The following SEC24D variants were observed in gnomAD, a reference collection of about 807,000 sequenced individuals.
SEC24D encodes the protein SEC24 homolog D, COPII component, also known as protein transport protein Sec24D.
Under a neutral mutation model 116.9 loss-of-function variants are expected in SEC24D, and 69 were observed. That is an observed-to-expected ratio of 0.59 (90% confidence interval 0.49 to 0.72). SEC24D has a LOEUF of 0.72. Ranked by LOEUF, SEC24D falls within the 30% of genes least tolerant of loss-of-function variation. The pLI, the probability that SEC24D is intolerant of heterozygous loss-of-function variation, is 0.00. For missense variants in SEC24D, 1,131 were observed against 1,264.1 expected (o/e 0.89, Z 1.60); for synonymous variants, 405 against 442.8 (o/e 0.91, Z 1.07).
At chr4:118,783,449 C>T (rs1013366043) in intron 8 of SEC24D, among the ~76,000 whole-genome samples, 1 of 152,212 alleles carries the variant, frequency 6.6e-6, no homozygotes, top group Admixed American at 6.5e-5. Context: ...TCCATGAGGG[C>T]AGAGATCTTT....
At chr4:118,820,612 G>GCT (rs1730360167) in intron 3 of SEC24D, among the ~76,000 whole-genome samples, 1 of 151,910 alleles carries the variant, frequency 6.6e-6, no homozygotes, top group South Asian at 2.1e-4. Context: ...AATCTCTGTA[G>GCT]CTCTCAGCTT....
At position 118,723,393 on chromosome 4, in the gene SEC24D, C is replaced by G. The variant is rs370583638; in HGVS notation, c.*122G>C. On this transcript the variant is annotated 3_prime_UTR_variant, in exon 23 of 23. Transcript: ENST00000280551. ...CTGAAGTTCTAAATGCCATCTCTTC[C>G]TGGAAAGTTATTCTGAAAATGAGCA... The G allele has an allele frequency of 1.1e-5, 11 of 1,039,226 alleles. No homozygotes were observed. The highest frequency in any genetic ancestry group is 8.0e-5 in the African/African-American group (5 of 62,392). The allele number at this position is 1,039,226 out of a possible 1,614,324, so 64.4% of individuals were successfully genotyped here. A position where few individuals can be genotyped will look rare whatever the true frequency, so the allele number is the denominator to read the frequency against.
intron 22 of SEC24D, among the ~76,000 whole-genome samples, 165 bp from the exon 23 acceptor site, chr4:118,723,820 C>T (rs1237593084): frequency 6.6e-6 from 1 of 152,104 alleles, no homozygotes; most frequent in Non-Finnish European, 1.5e-5. Flanking sequence ...TGGAAAGAGG[C>T]ATGGACCCCG....
chr4:118,751,458 G>A (rs911083947), intron 13 of SEC24D, among the ~76,000 whole-genome samples: 6 of 152,158 alleles, frequency 3.9e-5, no homozygotes, highest in African/African-American at 1.2e-4. Context: ...GATTACAGGC[G>A]TGAGAGTGAG....
At chr4:118,820,255 A>C (rs1360964798) in intron 3 of SEC24D, among the ~76,000 whole-genome samples, 1 of 146,418 alleles carries the variant, frequency 6.8e-6, no homozygotes, top group Admixed American at 7.2e-5. Context: ...ATCTCGGCTC[A>C]CTGCAACCTC....
chr4:118,775,633 C>T (rs1181474393), intron 8 of SEC24D, among the ~76,000 whole-genome samples: 4 of 152,036 alleles, frequency 2.6e-5, no homozygotes, highest in Non-Finnish European at 4.4e-5. Flanking sequence ...CAGCAGGTTT[C>T]AGACAGACAG....
chr4:118,747,415 C>T (rs968019239), intron 13 of SEC24D, among the ~76,000 whole-genome samples: 5 of 151,426 alleles, frequency 3.3e-5, no homozygotes, highest in African/African-American at 1.2e-4. Flanking sequence ...TACAGACGTG[C>T]GCCACCACGC....
At chr4:118,743,962 A>G in intron 15 of SEC24D, 26 bp downstream of exon 15, 1 of 1,582,258 alleles carries the variant, frequency 6.3e-7, no homozygotes, top group Admixed American at 1.8e-5. Flanking sequence ...GTAGAAGACC[A>G]AGGTGAACAA....
intron 3 of SEC24D, among the ~76,000 whole-genome samples, chr4:118,819,672 C>T (rs1185872890): frequency 2.0e-5 from 3 of 151,576 alleles, no homozygotes. Context: ...TAAGCAGAAA[C>T]TGGGGATGTT....
At chr4:118,743,937 A>C in intron 15 of SEC24D, 51 bp downstream of exon 15, 2 of 1,496,660 alleles carry the variant, frequency 1.3e-6, no homozygotes, top group Non-Finnish European at 1.8e-6. Flanking sequence ...TCTAAACAAC[A>C]AAATTAAAAT....
chr4:118,738,426 T>C, intron 18 of SEC24D, 47 bp from the exon 19 acceptor site: 1 of 1,234,522 alleles, frequency 8.1e-7, no homozygotes, highest in Non-Finnish European at 1.2e-6. Context: ...GCTCAGACAC[T>C]GATCTCTTCA....
chr4:118,817,836 C>T (rs1730218854), intron 3 of SEC24D, among the ~76,000 whole-genome samples: 1 of 152,024 alleles, frequency 6.6e-6, no homozygotes, highest in African/African-American at 2.4e-5. Flanking sequence ...CCCAGGAATT[C>T]AAGACCAGCC....
intron 7 of SEC24D, among the ~76,000 whole-genome samples, chr4:118,798,146 CAA>C (rs761470889): frequency 1.1e-4 from 17 of 152,042 alleles, no homozygotes; most frequent in Non-Finnish European, 2.5e-4. Context: ...AAAAATAAAA[CAA>C]AGAGACACAC....
At chr4:118,740,093 G>A (rs1243495107) in intron 17 of SEC24D, among the ~76,000 whole-genome samples, 3 of 152,108 alleles carry the variant, frequency 2.0e-5, no homozygotes, top group Non-Finnish European at 4.4e-5. Flanking sequence ...ACTATGACTG[G>A]TGTCCTTATA....
intron 8 of SEC24D, among the ~76,000 whole-genome samples, chr4:118,783,974 G>A (rs112518665): frequency 2.0e-5 from 3 of 152,194 alleles, no homozygotes; most frequent in South Asian, 2.1e-4. Context: ...AGGCTGAGGC[G>A]GGCAGATCAC....
rs1268408373 is a variant in SEC24D, at chr4:118,731,324, T to C, written c.2860A>G (p.Thr954Ala). Residue 954 changes from threonine to alanine, a missense_variant, in exon 21 of 23, where the codon ACA (threonine) becomes GCA (alanine). Transcript: ENST00000280551. Reference protein sequence around the residue: ...FNVPSFAHINTDMTLLPEVGN... With the variant: ...FNVPSFAHINADMTLLPEVGN... Reference sequence around the variant, plus strand: ...ATGAAAATAATACTTACCATATCTGTGTTGATATGTGCAAAAGATGGCACA... The same window carrying C: ...ATGAAAATAATACTTACCATATCTGCGTTGATATGTGCAAAAGATGGCACA... 3 of 1,608,982 alleles carry C rather than the reference T, an allele frequency of 1.9e-6. No homozygotes were observed.
intron 18 of SEC24D, 71 bp from the exon 19 acceptor site, chr4:118,738,450 A>G (rs1452173673): frequency 9.5e-7 from 1 of 1,056,622 alleles, no homozygotes; most frequent in African/African-American, 1.6e-5. Flanking sequence ...AATCAAACAA[A>G]AAAGAACAAG....
chr4:118,760,763 A>G (rs1171398124), intron 10 of SEC24D, among the ~76,000 whole-genome samples: 2 of 151,910 alleles, frequency 1.3e-5, no homozygotes, highest in Non-Finnish European at 2.9e-5. Context: ...GCTGGAGTGC[A>G]GTGGTGCGAT....
chr4:118,757,601 T>C (rs1727163325), intron 11 of SEC24D, 120 bp downstream of exon 11: 2 of 769,908 alleles, frequency 2.6e-6, no homozygotes, highest in East Asian at 5.6e-5. Flanking sequence ...GATTTATGAC[T>C]AATTACCCAG....
Sources: allele counts gnomAD v4.1 joint callset (sites outside exome capture counted in the v4.1 genomes callset), GRCh38; gene constraint gnomAD v4.1.1; transcripts MANE v1.5; gene names NCBI Gene and HGNC (gene_info 2026-07-23, HGNC 2026-07-21).